The following DPT variants were observed in gnomAD, a reference collection of about 807,000 sequenced individuals.
The protein encoded by DPT is tyrosine-rich acidic matrix protein.
In DPT, 21 loss-of-function variants were observed where a neutral mutation model predicts 31.2. That is an observed-to-expected ratio of 0.67 (90% CI 0.48 to 0.97). The LOEUF is 0.97. Among genes scored for constraint, DPT ranks in the 50% least tolerant of loss-of-function variants. DPT has a pLI of 0.00. For synonymous variants in DPT, 91 were observed against 86.9 expected (o/e 1.05, Z -0.26); for missense variants, 262 against 258.8 (o/e 1.01, Z -0.08).
At chr1:168,711,608 G>T (rs1219526834) in intron 2 of DPT, among the ~76,000 whole-genome samples, 1 of 152,190 alleles carries the variant, frequency 6.6e-6, no homozygotes, top group Non-Finnish European at 1.5e-5. Context: ...TTGTTCCTCT[G>T]CATAACCAAC....
At chr1:168,710,384 C>T (rs772918194) in intron 2 of DPT, among the ~76,000 whole-genome samples, 33 of 152,300 alleles carry the variant, frequency 2.2e-4, no homozygotes, top group Non-Finnish European at 4.4e-4. Context: ...ATTCTCTGTA[C>T]TTTCCCCACC....
At chr1:168,715,045 G>C (rs1444222913) in intron 1 of DPT, among the ~76,000 whole-genome samples, 1 of 151,986 alleles carries the variant, frequency 6.6e-6, no homozygotes, top group Non-Finnish European at 1.5e-5. Flanking sequence ...TGGCTGTGGA[G>C]GCAGTCCTTA....
intron 1 of DPT, among the ~76,000 whole-genome samples, chr1:168,717,733 T>A (rs1445681685): frequency 6.6e-6 from 1 of 152,214 alleles, no homozygotes; most frequent in East Asian, 1.9e-4. Flanking sequence ...TTAATTTTTG[T>A]ATAAGGTGTA....
At position 168,698,193 on chromosome 1, in the gene DPT, G is replaced by C. The variant is rs550707889; in HGVS notation, c.540-1578C>G. Among the ~76,000 whole-genome samples, 6 of 152,262 alleles carry C rather than the reference G, an allele frequency of 3.9e-5. No individual in the cohort carries two copies. The South Asian group carries it at 6.2e-4, about 16-fold the overall frequency. On this transcript the variant is annotated intron_variant, in intron 3 of 3. Transcript: ENST00000367817. Reference sequence around the variant, plus strand: ...GCTCACTCTGCTCAAACAGCCTAAGGCAGGCTTTCTAATTCTGAGTCTGTT... The same window carrying C: ...GCTCACTCTGCTCAAACAGCCTAAGCCAGGCTTTCTAATTCTGAGTCTGTT...
At position 168,701,112 on chromosome 1, in the gene DPT, T is replaced by A; in HGVS notation, c.444A>T (p.Glu148Asp). The A allele has an allele frequency of 6.2e-7, 1 of 1,612,934 alleles. No homozygotes were observed. Among genetic ancestry groups the A allele is most frequent in the South Asian group, 1.1e-5 (1 of 91,018 alleles). The change falls in exon 3 of 4, where the codon GAA (glutamate) becomes GAT (aspartate). Residue 148 changes from glutamate to aspartate, a missense_variant. Physicochemically the swap from Glu to Asp is conservative, Grantham distance 45. Coordinates refer to ENST00000367817, the MANE Select transcript of DPT (RefSeq NM_001937.5). The part of the protein sequence containing the change: ...RCPYSCWLTT[E>D]YPGHYGEEMD... ...TTTCCTCACCATAGTGACCTGGATA[T>A]TCTGTTGTTAGCCTATGCAGGAAGA...
At chr1:168,701,536 GAA>G (rs1557845919) in intron 2 of DPT, among the ~76,000 whole-genome samples, 1 of 152,110 alleles carries the variant, frequency 6.6e-6, no homozygotes, top group African/African-American at 2.4e-5. Flanking sequence ...AAATAGAAAA[GAA>G]AATATAAAAG....
At chr1:168,716,463 T>C (rs898274838) in intron 1 of DPT, among the ~76,000 whole-genome samples, 3 of 152,112 alleles carry the variant, frequency 2.0e-5, no homozygotes, top group Non-Finnish European at 4.4e-5. Context: ...TTGAGACCTA[T>C]GGCTCTTTGA....
At chr1:168,721,394 A>G (rs1432031737) in intron 1 of DPT, among the ~76,000 whole-genome samples, 1 of 152,234 alleles carries the variant, frequency 6.6e-6, no homozygotes, top group Non-Finnish European at 1.5e-5. Flanking sequence ...ACCTGGCACA[A>G]CGTATATAAT....
chr1:168,700,890 CGTGTGTGTGTGTGTGTGG>C (rs1288883143), intron 3 of DPT, 109 bp downstream of exon 3: 15 of 540,032 alleles, frequency 2.8e-5, no homozygotes, highest in African/African-American at 1.7e-4. Flanking sequence ...TTGTATTCTA[CGTGTGTGTGTGTGTGTGG>C]GTGTGTGTGT....
At chr1:168,711,600 G>A (rs1250078690) in intron 2 of DPT, among the ~76,000 whole-genome samples, 1 of 152,198 alleles carries the variant, frequency 6.6e-6, no homozygotes, top group Admixed American at 6.5e-5. Flanking sequence ...CACATGTCTT[G>A]TTCCTCTGCA....
intron 1 of DPT, among the ~76,000 whole-genome samples, chr1:168,718,823 A>G (rs1650039638): frequency 1.3e-5 from 2 of 152,206 alleles, no homozygotes; most frequent in South Asian, 4.1e-4. Context: ...TAGTGTCATT[A>G]TACTTATGTT....
chr1:168,714,256 A>G lies in DPT; in HGVS notation c.396T>C (p.Cys132=). Residue 132 remains cysteine, a synonymous_variant, in exon 2 of 4, where the codon TGT becomes TGC. Transcript: ENST00000367817. The part of the protein sequence containing the change: ...SVLDREWQFY[C]CRYSKRCPYS... ...ATGGGCACCTCTTGCTGTAGCGACAACAGTAAAACTGCCACTCCCGATCCA... is the reference window on the plus strand; with the variant it reads ...ATGGGCACCTCTTGCTGTAGCGACAGCAGTAAAACTGCCACTCCCGATCCA... The G allele has an allele frequency of 1.9e-6, 3 of 1,614,066 alleles. No homozygotes were observed. The highest frequency in any genetic ancestry group is 2.5e-6 in the Non-Finnish European group (3 of 1,180,008).
chr1:168,699,956 G>A (rs2101898470), intron 3 of DPT, among the ~76,000 whole-genome samples: 1 of 152,204 alleles, frequency 6.6e-6, no homozygotes, highest in East Asian at 1.9e-4. Context: ...AGAGAAAGGT[G>A]ATGAAAAAAG....
chr1:168,699,599 TAA>T (rs35423002), intron 3 of DPT, among the ~76,000 whole-genome samples: 47 of 147,706 alleles, frequency 3.2e-4, no homozygotes, highest in African/African-American at 8.9e-4. Flanking sequence ...TTTTTTTTTT[TAA>T]AAAAAAAAAG....
chr1:168,705,438 A>T (rs1044289928), intron 2 of DPT, among the ~76,000 whole-genome samples: 10 of 152,180 alleles, frequency 6.6e-5, no homozygotes, highest in Non-Finnish European at 1.5e-4. Flanking sequence ...TTGTGGGGAC[A>T]CCAGAAAAGC....
At chr1:168,725,564 T>C (rs564888474) in intron 1 of DPT, among the ~76,000 whole-genome samples, 6 of 152,224 alleles carry the variant, frequency 3.9e-5, no homozygotes, top group African/African-American at 1.4e-4. Context: ...GAGAACAACC[T>C]AGGCATGCCC....
chr1:168,711,894 T>C (rs1056189087), intron 2 of DPT, among the ~76,000 whole-genome samples: 1 of 152,346 alleles, frequency 6.6e-6, no homozygotes, highest in South Asian at 2.1e-4. Context: ...TCATTATTTA[T>C]AGGGCTTGGC....
At chr1:168,711,833 CA>C (rs1389842239) in intron 2 of DPT, among the ~76,000 whole-genome samples, 1 of 152,160 alleles carries the variant, frequency 6.6e-6, no homozygotes, top group Non-Finnish European at 1.5e-5. Context: ...ATGCTCATAA[CA>C]AAAAGTAGCC....
chr1:168,710,826 G>T (rs1043742920), intron 2 of DPT, among the ~76,000 whole-genome samples: 12 of 151,986 alleles, frequency 7.9e-5, no homozygotes, highest in Admixed American at 1.3e-4. Flanking sequence ...TCTTTTTCAG[G>T]TCTCAGCATT....
Sources: gnomAD v4.1 joint callset for allele counts (sites outside exome capture counted in the v4.1 genomes callset) on GRCh38, gnomAD v4.1.1 for gene constraint, MANE v1.5 for transcripts, NCBI Gene and HGNC (gene_info 2026-07-23, HGNC 2026-07-21) for gene names.